TENM1: variants seen among roughly 807,000 people sequenced by gnomAD.
TENM1 encodes teneurin transmembrane protein 1, also known as teneurin-1.
A neutral mutation model predicts 174.8 loss-of-function variants in TENM1; 35 were observed. That is an observed-to-expected ratio of 0.20 (90% CI 0.15 to 0.27). The LOEUF (loss-of-function observed/expected upper bound fraction) is 0.27. TENM1 is among the 10% of genes least tolerant of loss of function. TENM1 has a pLI of 1.00. For synonymous variants in TENM1, 781 were observed against 798.7 expected (o/e 0.98, Z 0.37); for missense variants, 1,633 against 2,130.1 (o/e 0.77, Z 4.59).
chrX:124,913,974 G>A (rs2057879238), intron 1 of TENM1, among the ~76,000 whole-genome samples: 1 of 111,650 alleles, frequency 9.0e-6, no homozygotes, highest in Non-Finnish European at 1.9e-5. Context: ...GCTTCCTGAG[G>A]CATGTATTAT....
At chrX:124,765,707 T>C (rs2054524971) in intron 3 of TENM1, among the ~76,000 whole-genome samples, 1 of 112,130 alleles carries the variant, frequency 8.9e-6, no homozygotes, top group Non-Finnish European at 1.9e-5. Flanking sequence ...GCACCATGTA[T>C]CAAAAAAGAT....
At chrX:125,021,619 T>C in the TENM1 span, among the ~76,000 whole-genome samples, 1 of 111,159 alleles carries the variant, frequency 9.0e-6, no homozygotes, top group African/African-American at 3.3e-5. Context: ...ACAGAGTAAA[T>C]GTTTTAGGCT....
intron 5 of TENM1, among the ~76,000 whole-genome samples, chrX:124,701,293 G>A (rs1017896328): frequency 3.6e-5 from 4 of 111,188 alleles, no homozygotes; most frequent in Non-Finnish European, 7.5e-5. Context: ...ATGTAACAGC[G>A]CACTTGACCC....
the TENM1 span, among the ~76,000 whole-genome samples, chrX:125,155,178 C>G: frequency 9.0e-6 from 1 of 111,414 alleles, no homozygotes; most frequent in Non-Finnish European, 1.9e-5. Flanking sequence ...ACCAGATTAG[C>G]TAGATACACA....
At chrX:124,785,759 C>T (rs1260642833) in intron 3 of TENM1, among the ~76,000 whole-genome samples, 1 of 111,859 alleles carries the variant, frequency 8.9e-6, no homozygotes, top group Non-Finnish European at 1.9e-5. Context: ...ATAATACTTC[C>T]TCATGAGACC....
At chrX:124,753,531 T>C (rs867072440) in intron 3 of TENM1, among the ~76,000 whole-genome samples, 5 of 103,234 alleles carry the variant, frequency 4.8e-5, no homozygotes, top group South Asian at 9.6e-4. Flanking sequence ...CTATGTTGAA[T>C]AGGAGTGGTG....
chrX:124,842,476 G>C (rs1456548141), intron 3 of TENM1, among the ~76,000 whole-genome samples: 1 of 111,527 alleles, frequency 9.0e-6, no homozygotes, highest in Non-Finnish European at 1.9e-5. Context: ...CCTTAGCTTA[G>C]GATGCCACAA....
intron 6 of TENM1, among the ~76,000 whole-genome samples, chrX:124,665,921 C>T (rs1051668325): frequency 2.7e-5 from 3 of 111,706 alleles, no homozygotes; most frequent in Non-Finnish European, 5.6e-5. Context: ...CTGCTAGCCC[C>T]GCCTCTTCTC....
intron 3 of TENM1, among the ~76,000 whole-genome samples, chrX:124,804,615 C>T (rs776413709): frequency 3.9e-4 from 44 of 111,739 alleles, no homozygotes; most frequent in African/African-American, 1.3e-3. Flanking sequence ...TAACAAAGAA[C>T]GAAAATTCTT....
chrX:124,949,488 C>T (rs973001668), intron 1 of TENM1, among the ~76,000 whole-genome samples: 1 of 111,710 alleles, frequency 9.0e-6, no homozygotes, highest in African/African-American at 3.3e-5. Flanking sequence ...GTGATTAGTG[C>T]TACAGTAGTA....
chrX:124,380,972 A>G, exon 32 of TENM1: 1 of 1,211,474 alleles, frequency 8.3e-7, no homozygotes, highest in African/African-American at 1.7e-5. Context: ...GTCTTCCTCC[A>G]GAGACCCAAG....
the TENM1 span, among the ~76,000 whole-genome samples, chrX:125,146,289 G>T: frequency 9.0e-6 from 1 of 111,068 alleles, no homozygotes; most frequent in East Asian, 2.8e-4. Context: ...GAGAATCCAG[G>T]GTGGAAAATA....
At chrX:124,496,982 C>G (rs1302254019) in intron 20 of TENM1, 34 bp downstream of exon 23, 1 of 1,186,977 alleles carries the variant, frequency 8.4e-7, no homozygotes, top group East Asian at 3.0e-5. Context: ...GCTTTATCTG[C>G]TAAGCAAATA....
At chrX:125,133,137 G>A in the TENM1 span, among the ~76,000 whole-genome samples, 1 of 110,975 alleles carries the variant, frequency 9.0e-6, no homozygotes, top group Non-Finnish European at 1.9e-5. Flanking sequence ...GGGACTACAG[G>A]CGTCTGCCAC....
In TENM1 at chrX:124,506,319, G is replaced by A. The variant is rs939443170; in HGVS notation, c.3302-2616C>T. Among the ~76,000 whole-genome samples, 7 of 111,493 alleles carry A rather than the reference G, an allele frequency of 6.3e-5. No homozygotes were observed. In the Admixed American group the frequency reaches 6.7e-4, roughly 11 times the overall value. On this transcript the variant is annotated intron_variant, in intron 18 of 31. Transcript: ENST00000422452. Reference sequence around the variant, plus strand: ...TCCTCCCAACTCTGCAGCAGGAAATGCTTACATAAAGCATCAATTAAGGAG... The same window carrying A: ...TCCTCCCAACTCTGCAGCAGGAAATACTTACATAAAGCATCAATTAAGGAG...
At chrX:124,762,257 G>C (rs1321366109) in intron 3 of TENM1, among the ~76,000 whole-genome samples, 1 of 111,672 alleles carries the variant, frequency 9.0e-6, no homozygotes, top group Non-Finnish European at 1.9e-5. Flanking sequence ...CTATCACATT[G>C]GTGGTTAGGG....
At chrX:124,482,263 T>C (rs1338350424) in intron 21 of TENM1, among the ~76,000 whole-genome samples, 1 of 110,664 alleles carries the variant, frequency 9.0e-6, no homozygotes, top group Non-Finnish European at 1.9e-5. Flanking sequence ...TTATTCTCCA[T>C]ACTCAGTTAT....
At chrX:124,473,716 T>TCCATTCCCTCCAGGCCC (rs1439768581) in intron 22 of TENM1, among the ~76,000 whole-genome samples, 1 of 110,868 alleles carries the variant, frequency 9.0e-6, no homozygotes, top group Non-Finnish European at 1.9e-5. Flanking sequence ...CATCTTCTGC[T>TCCATTCCCTCCAGGCCC]CCATTCCCTC....
chrX:124,385,971 G>A lies in TENM1; in HGVS notation c.5782C>T (p.Arg1928Cys), dbSNP rs775936005. The change falls in exon 29 of 32, where the codon CGT becomes TGT. Residue 1928 changes from arginine to cysteine, a missense_variant. Coordinates refer to ENST00000422452, the Ensembl canonical transcript of TENM1. ...GAAAGCATGGTTTGTAAGCTGTGAC[G>A]CACCATGCTAGGCATGGTGACTGAG... The A allele has an allele frequency of 3.3e-5, 40 of 1,206,162 alleles. No individual in the cohort carries two copies. The highest frequency in any genetic ancestry group is 3.5e-5 in the South Asian group (2 of 56,686).
Sources: allele counts gnomAD v4.1 joint callset (sites outside exome capture counted in the v4.1 genomes callset), GRCh38; gene constraint gnomAD v4.1.1; transcripts MANE v1.5; gene names NCBI Gene and HGNC (gene_info 2026-07-23, HGNC 2026-07-21).